EBF2: variants seen among roughly 807,000 people sequenced by gnomAD.
EBF2 encodes EBF transcription factor 2, also known as transcription factor COE2.
EBF2 carries 21 observed loss-of-function variants against 72.8 expected under a neutral mutation model. The ratio of observed to expected loss-of-function variants is 0.29; its 90% CI spans 0.20 to 0.42. The LOEUF is 0.42. EBF2 is among the 10% of genes least tolerant of loss of function. EBF2 has a pLI of 1.00. For synonymous variants in EBF2, 299 were observed against 274.2 expected, an observed-to-expected ratio of 1.09 and a Z score of -0.89; for missense variants, 637 against 731.2, an observed-to-expected ratio of 0.87 and a Z score of 1.49.
At chr8:25,917,213 T>TTA (rs397835694) in intron 6 of EBF2, among the ~76,000 whole-genome samples, 23 of 150,344 alleles carry the variant, frequency 1.5e-4, no homozygotes, top group East Asian at 5.8e-4. Flanking sequence ...TTTTTTTTTT[T>TTA]ATCCCCCCTT....
intron 10 of EBF2, among the ~76,000 whole-genome samples, chr8:25,885,760 A>C (rs999707308): frequency 1.3e-5 from 2 of 152,168 alleles, no homozygotes; most frequent in Non-Finnish European, 2.9e-5. Flanking sequence ...GCCTTCTGCC[A>C]TGAATATGAG....
chr8:25,918,326 A>G (rs1585195092), intron 6 of EBF2, among the ~76,000 whole-genome samples: 1 of 152,202 alleles, frequency 6.6e-6, no homozygotes, highest in Non-Finnish European at 1.5e-5. Context: ...AAGACAGGAC[A>G]CCATCCAATG....
intron 6 of EBF2, among the ~76,000 whole-genome samples, chr8:25,980,002 A>G (rs745661153): frequency 6.6e-6 from 1 of 152,216 alleles, no homozygotes; most frequent in Non-Finnish European, 1.5e-5. Flanking sequence ...AAGGAAAAAA[A>G]AAGCTTCATT....
intron 6 of EBF2, among the ~76,000 whole-genome samples, chr8:26,022,163 T>C (rs75914594): frequency 0.034 from 5,146 of 152,294 alleles, 130 homozygotes; most frequent in South Asian, 0.081. Context: ...CTCTTGTCCC[T>C]TTCCTTGCAG....
chr8:25,857,242 A>G (rs149265441), intron 14 of EBF2, among the ~76,000 whole-genome samples: 1 of 152,050 alleles, frequency 6.6e-6, no homozygotes, highest in African/African-American at 2.4e-5. Context: ...GCTTGGTGCT[A>G]TATCTTTATC....
chr8:25,992,212 C>T (rs1054701792), intron 6 of EBF2, among the ~76,000 whole-genome samples: 14 of 151,162 alleles, frequency 9.3e-5, no homozygotes, highest in African/African-American at 2.4e-4. Flanking sequence ...TGGTGGCAGG[C>T]GCCTGTAATG....
In EBF2 at chr8:25,900,142, T is replaced by C. The variant is rs553054253; in HGVS notation, c.633+8332A>G. Among the ~76,000 whole-genome samples the C allele has an allele frequency of 1.6e-4, 24 of 152,298 alleles. No homozygotes were observed. The East Asian group carries it at 4.6e-3, about 29-fold the overall frequency. On this transcript the variant is annotated intron_variant, in intron 7 of 15. Coordinates refer to ENST00000520164, the MANE Select transcript of EBF2 (RefSeq NM_022659.4). ...GGCTTCCCCAGCCTGACTCCTGGAA[T>C]GATTTTTCTTTCATTAGAAATGTGT...
chr8:25,988,976 A>G (rs1161426614), intron 6 of EBF2, among the ~76,000 whole-genome samples: 1 of 152,352 alleles, frequency 6.6e-6, no homozygotes, highest in African/African-American at 2.4e-5. Context: ...ATCATATTTA[A>G]TTAATTATGT....
chr8:26,041,236 A>AGGGAGACATTTTT, intron 2 of EBF2: 1 of 581,884 alleles, frequency 1.7e-6, no homozygotes, highest in South Asian at 2.0e-5. Flanking sequence ...GTCTCCCTTA[A>AGGGAGACATTTTT]AAATGTCCTC....
chr8:25,888,252 T>A (rs1383343345), intron 8 of EBF2, among the ~76,000 whole-genome samples: 1 of 152,124 alleles, frequency 6.6e-6, no homozygotes, highest in African/African-American at 2.4e-5. Flanking sequence ...ACACCCGTAT[T>A]TGGTTGAAGC....
intron 6 of EBF2, among the ~76,000 whole-genome samples, chr8:25,979,515 G>T (rs1435112596): frequency 2.0e-5 from 3 of 152,212 alleles, no homozygotes; most frequent in Admixed American, 2.0e-4. Context: ...ACTCTGAAAG[G>T]CCCCACAGGC....
intron 10 of EBF2, among the ~76,000 whole-genome samples, chr8:25,883,120 A>G: frequency 6.6e-6 from 1 of 152,176 alleles, no homozygotes; most frequent in East Asian, 1.9e-4. Flanking sequence ...TAATCTTCAT[A>G]TTCCCTTAAT....
At chr8:26,012,113 G>A (rs556236063) in intron 6 of EBF2, among the ~76,000 whole-genome samples, 3 of 152,230 alleles carry the variant, frequency 2.0e-5, no homozygotes, top group South Asian at 4.1e-4. Flanking sequence ...TTCTTTGCAA[G>A]TGTATCATTT....
chr8:25,961,947 A>T (rs927863972), intron 6 of EBF2, among the ~76,000 whole-genome samples: 1 of 152,184 alleles, frequency 6.6e-6, no homozygotes, highest in African/African-American at 2.4e-5. Flanking sequence ...TCCTTAAAAA[A>T]TGTGTAAGCC....
At chr8:25,966,234 C>T (rs1293034852) in intron 6 of EBF2, among the ~76,000 whole-genome samples, 1 of 152,156 alleles carries the variant, frequency 6.6e-6, no homozygotes, top group African/African-American at 2.4e-5. Flanking sequence ...GCTGCCTAGG[C>T]TTTTGGAGAT....
chr8:26,005,478 T>TTATAAAATATATA (rs1804851172), intron 6 of EBF2, among the ~76,000 whole-genome samples: 1 of 6,618 alleles, frequency 1.5e-4, no homozygotes, highest in Non-Finnish European at 2.2e-4. Context: ...TATAATATTA[T>TTATAAAATATATA]TTATAAAATA....
intron 6 of EBF2, among the ~76,000 whole-genome samples, chr8:26,026,428 A>T (rs1034105259): frequency 4.6e-5 from 7 of 152,202 alleles, no homozygotes; most frequent in Non-Finnish European, 8.8e-5. Context: ...TTCATTTGAC[A>T]AATAGGGGAA....
Position 25,961,161 on chromosome 8 carries a change from T to C in EBF2, c.552-52606A>G, listed in dbSNP as rs143610975. Among the ~76,000 whole-genome samples the C allele has an allele frequency of 4.5e-3, 678 of 152,270 alleles. 4 individuals carry two copies. The highest frequency in any genetic ancestry group is 0.02 in the Middle Eastern group (6 of 294). On this transcript the variant is annotated intron_variant, in intron 6 of 15. Transcript: ENST00000520164. ...ACAAGTAAAAACCAAAAAGACAGTG[T>C]GTGAAACAAGCTAGAATGATATAGT...
intron 10 of EBF2, among the ~76,000 whole-genome samples, chr8:25,882,591 A>T (rs1802622354): frequency 6.6e-6 from 1 of 152,228 alleles, no homozygotes; most frequent in South Asian, 2.1e-4. Flanking sequence ...CTGAAGAGCC[A>T]GTTGTTAAAC....
Sources: allele counts gnomAD v4.1 joint callset (sites outside exome capture counted in the v4.1 genomes callset), GRCh38; gene constraint gnomAD v4.1.1; transcripts MANE v1.5; gene names NCBI Gene and HGNC (gene_info 2026-07-23, HGNC 2026-07-21).